TRAF3: variants seen among roughly 807,000 people sequenced by gnomAD.
The protein encoded by TRAF3 is TNF receptor associated factor 3.
TRAF3 carries 13 observed loss-of-function variants against 62.3 expected under a neutral mutation model. The ratio of observed to expected loss-of-function variants is 0.21; its 90% CI spans 0.14 to 0.33. TRAF3 has a LOEUF of 0.33. Among genes scored for constraint, TRAF3 ranks in the 10% least tolerant of loss-of-function variants. The pLI is 1.00. For missense variants in TRAF3, 440 were observed against 741.8 expected (o/e 0.59, Z 4.73); for synonymous variants, 269 against 283.4 (o/e 0.95, Z 0.51).
At chr14:102,851,752 A>T (rs1483163027) in intron 2 of TRAF3, among the ~76,000 whole-genome samples, 1 of 152,044 alleles carries the variant, frequency 6.6e-6, no homozygotes, top group East Asian at 1.9e-4. Flanking sequence ...TCAAAAAAAA[A>T]GAAATTATCA....
intron 6 of TRAF3, among the ~76,000 whole-genome samples, chr14:102,879,854 C>T (rs1417989181): frequency 1.3e-5 from 2 of 152,054 alleles, no homozygotes; most frequent in African/African-American, 4.8e-5. Context: ...TGGTAGCTCA[C>T]ACCTGTGTGC....
intron 1 of TRAF3, among the ~76,000 whole-genome samples, chr14:102,786,066 A>G (rs1456195501): frequency 6.6e-6 from 1 of 152,170 alleles, no homozygotes; most frequent in African/African-American, 2.4e-5. Flanking sequence ...AGTCTGGTCT[A>G]TGATGTACAC....
chr14:102,910,919 A>G lies in TRAF3; in HGVS notation c.*5135A>G, dbSNP rs150503115. The G allele has an allele frequency of 5.8e-3, 877 of 152,372 alleles. 9 individuals carry two copies. The highest frequency in any genetic ancestry group is 0.01 in the Admixed American group (156 of 15,304). 9.4% of individuals were successfully genotyped at this position (152,372 alleles called of 1,614,324 possible). On this transcript the variant is annotated 3_prime_UTR_variant, in exon 12 of 12. Coordinates refer to ENST00000392745, the MANE Select transcript of TRAF3 (RefSeq NM_145725.3). ...CAATGACTTAATTGGAAAACACACA[A>G]GCTGGCATGATGTCCGGTGATTTCT...
At chr14:102,901,838 AAGG>A (rs1189805212) in intron 10 of TRAF3, among the ~76,000 whole-genome samples, 1 of 152,228 alleles carries the variant, frequency 6.6e-6, no homozygotes, top group African/African-American at 2.4e-5. Context: ...AGACTTCCAA[AAGG>A]AGAAGTGAAT....
In TRAF3 at chr14:102,862,887, G is replaced by A. The variant is rs562637999; in HGVS notation, c.-17-7298G>A. ...TACTGCTGTTTATTTCTGCTGTTGA[G>A]CCCCTGCAGTGAATTTTTCATTTCA... On this transcript the variant is annotated intron_variant, in intron 2 of 11. Transcript: ENST00000392745. Among the ~76,000 whole-genome samples the A allele has an allele frequency of 3.9e-5, 6 of 151,996 alleles. No individual in the cohort carries two copies. In the South Asian group the frequency reaches 1.2e-3, roughly 32 times the overall value.
In TRAF3 at chr14:102,854,672, A is replaced by T. The variant is rs545938859; in HGVS notation, c.-17-15513A>T. Among the ~76,000 whole-genome samples the T allele has an allele frequency of 5.9e-3, 893 of 151,206 alleles. 8 individuals are homozygous for T. The highest frequency in any genetic ancestry group is 0.021 in the African/African-American group (862 of 41,186). ...ACCACCACACCCAGCTATTTTTTGT[A>T]TTTTTTTGTAGAGATGGGGTTTTTT... On this transcript the variant is annotated intron_variant, in intron 2 of 11. Transcript: ENST00000392745.
chr14:102,843,218 A>G (rs564220147), intron 2 of TRAF3, among the ~76,000 whole-genome samples: 1 of 152,164 alleles, frequency 6.6e-6, no homozygotes, highest in Non-Finnish European at 1.5e-5. Flanking sequence ...AAAAAACCCA[A>G]AAACAAAAAT....
At chr14:102,854,505 G>A (rs928254089) in intron 2 of TRAF3, among the ~76,000 whole-genome samples, 2 of 152,108 alleles carry the variant, frequency 1.3e-5, no homozygotes, top group Non-Finnish European at 2.9e-5. Context: ...GTAGGTTTTG[G>A]TTTTGGTTTT....
intron 1 of TRAF3, among the ~76,000 whole-genome samples, chr14:102,821,280 C>G (rs1389481832): frequency 6.6e-6 from 1 of 152,158 alleles, no homozygotes; most frequent in Non-Finnish European, 1.5e-5. Context: ...TTTAGTAACA[C>G]CGTCTCAATC....
rs549992209 is a variant in TRAF3, at chr14:102,906,987, C to G, written c.*1203C>G. The G allele has an allele frequency of 3.3e-5, 5 of 152,370 alleles. No homozygotes were observed. The South Asian group carries it at 8.3e-4, about 25-fold the overall frequency. 9.4% of individuals were successfully genotyped at this position (152,370 alleles called of 1,614,324 possible). On this transcript the variant is annotated 3_prime_UTR_variant, in exon 12 of 12. Transcript: ENST00000392745. ...AGTGCTAGTTTAACCAGACTTTTCT[C>G]TCCACCACTAGATCTTTGTCTCTAC...
chr14:102,850,588 G>A (rs184665186), intron 2 of TRAF3, among the ~76,000 whole-genome samples: 2 of 151,604 alleles, frequency 1.3e-5, no homozygotes, highest in African/African-American at 4.8e-5. Flanking sequence ...CAGCTACTCA[G>A]GAGGCTGAGG....
At chr14:102,802,232 G>T (rs1386831304) in intron 1 of TRAF3, among the ~76,000 whole-genome samples, 1 of 135,648 alleles carries the variant, frequency 7.4e-6, no homozygotes, top group Admixed American at 7.7e-5. Context: ...TTGGCTCACT[G>T]CAACCTCCGC....
At chr14:102,782,000 G>A (rs947363248) in intron 1 of TRAF3, among the ~76,000 whole-genome samples, 2 of 151,988 alleles carry the variant, frequency 1.3e-5, no homozygotes, top group Admixed American at 6.6e-5. Flanking sequence ...CACCATCTTG[G>A]CCAGGCTGGT....
At chr14:102,777,904 C>A (rs1271816028) in intron 1 of TRAF3, among the ~76,000 whole-genome samples, 1 of 149,484 alleles carries the variant, frequency 6.7e-6, no homozygotes, top group Non-Finnish European at 1.5e-5. Flanking sequence ...GCCTCAACTT[C>A]GGCAAACTTT....
At position 102,778,823 on chromosome 14, in the gene TRAF3, C is replaced by T. The variant is rs140969370; in HGVS notation, c.-157+1148C>T. ...TAAAATTCTTACTGTAGGGAATGGC[C>T]AAGTGGACCATCAGTTCGTCCTGAG... On this transcript the variant is annotated intron_variant, in intron 1 of 11. Transcript: ENST00000392745. Among the ~76,000 whole-genome samples the T allele has an allele frequency of 3.9e-4, 59 of 152,236 alleles. No individual in the cohort carries two copies. In the East Asian group the frequency reaches 0.011, roughly 29 times the overall value.
rs35056615 is a variant in TRAF3 at position 102,834,687 on chromosome 14, C to CAAAAAA, written c.-18+4230_-18+4235dup. Reference sequence around the variant, plus strand: ...TGGGTGACAGAGCGAGACTCCGTCTCAAAAAAAAAAAAAAAAAAAAGAAAT... The same window carrying CAAAAAA: ...TGGGTGACAGAGCGAGACTCCGTCTCAAAAAAAAAAAAAAAAAAAAAAAAAAGAAAT... On this transcript the variant is annotated intron_variant, in intron 2 of 11. Transcript: ENST00000392745. Among the ~76,000 whole-genome samples, 205 of 54,170 alleles carry CAAAAAA rather than the reference C, an allele frequency of 3.8e-3. 6 individuals are homozygous for CAAAAAA. Among genetic ancestry groups the CAAAAAA allele is most frequent in the African/African-American group, 7.1e-3 (91 of 12,802 alleles). 35.5% of individuals were successfully genotyped at this position (54,170 alleles called of 152,430 possible). A position where few individuals can be genotyped will look rare whatever the true frequency, so the allele number is the denominator to read the frequency against.
chr14:102,895,996 G>A (rs1463510747), intron 9 of TRAF3, among the ~76,000 whole-genome samples: 1 of 152,168 alleles, frequency 6.6e-6, no homozygotes. Flanking sequence ...TGTTGGCAGA[G>A]CTGTTCAAAC....
At chr14:102,854,827 G>A (rs987893555) in intron 2 of TRAF3, among the ~76,000 whole-genome samples, 1 of 132,974 alleles carries the variant, frequency 7.5e-6, no homozygotes. Flanking sequence ...TTTTAACAAT[G>A]TTTTAAAATA....
At chr14:102,828,371 G>A (rs1342063496) in intron 1 of TRAF3, among the ~76,000 whole-genome samples, 1 of 152,132 alleles carries the variant, frequency 6.6e-6, no homozygotes, top group Non-Finnish European at 1.5e-5. Context: ...GCCTGCAGTC[G>A]GAAGGAGGAG....
Sources: allele counts gnomAD v4.1 joint callset (sites outside exome capture counted in the v4.1 genomes callset), GRCh38; gene constraint gnomAD v4.1.1; transcripts MANE v1.5; gene names NCBI Gene and HGNC (gene_info 2026-07-23, HGNC 2026-07-21).